The following LMBRD2 variants were observed in gnomAD, a reference collection of about 807,000 sequenced individuals.
LMBRD2 encodes G protein-coupled receptor-associated protein LMBRD2.
A neutral mutation model predicts 94.4 loss-of-function variants in LMBRD2; 55 were observed. The observed-to-expected ratio is 0.58, with a 90% CI of 0.47 to 0.73. The LOEUF is 0.73. Among genes scored for constraint, LMBRD2 ranks in the 30% least tolerant of loss-of-function variants. The pLI is 0.00. For synonymous variants in LMBRD2, 246 were observed against 272.4 expected (o/e 0.90, Z 0.95); for missense variants, 640 against 831.9 (o/e 0.77, Z 2.84).
chr5:36,148,257 A>C (rs1744600312), intron 1 of LMBRD2, among the ~76,000 whole-genome samples: 2 of 152,018 alleles, frequency 1.3e-5, no homozygotes, highest in Non-Finnish European at 2.9e-5. Flanking sequence ...AAAAAAAAAA[A>C]AAAACCATCA....
chr5:36,140,740 G>A (rs535440239), intron 4 of LMBRD2, among the ~76,000 whole-genome samples: 1 of 152,034 alleles, frequency 6.6e-6, no homozygotes, highest in South Asian at 2.1e-4. Flanking sequence ...TGAAGTGAAT[G>A]GAAATATTTC....
chr5:36,107,365 TTA>T (rs148675664), intron 16 of LMBRD2, among the ~76,000 whole-genome samples: 4,945 of 152,306 alleles, frequency 0.032, 275 homozygotes, highest in African/African-American at 0.11. Context: ...GTTCACTATT[TTA>T]TGTTTTGAAA....
chr5:36,123,027 T>A, intron 7 of LMBRD2, 66 bp from the exon 8 acceptor site: 1 of 1,352,222 alleles, frequency 7.4e-7, no homozygotes. Flanking sequence ...TTATTTTTAT[T>A]AAAAATCTTT....
At chr5:36,127,498 A>C (rs1744034080) in intron 6 of LMBRD2, among the ~76,000 whole-genome samples, 1 of 152,236 alleles carries the variant, frequency 6.6e-6, no homozygotes, top group South Asian at 2.1e-4. Flanking sequence ...GCTCTTAGAC[A>C]GCATTGTTGA....
chr5:36,128,040 A>G (rs970421520), intron 6 of LMBRD2, among the ~76,000 whole-genome samples: 4 of 152,114 alleles, frequency 2.6e-5, no homozygotes, highest in Non-Finnish European at 5.9e-5. Context: ...CCCCACCTCC[A>G]GGCAGCTCAG....
At position 36,105,048 on chromosome 5, in the gene LMBRD2, A is replaced by G. The variant is rs748889645; in HGVS notation, c.2027+20T>C. On this transcript the variant is annotated intron_variant, in intron 17 of 17. Coordinates refer to ENST00000296603, the MANE Select transcript of LMBRD2 (RefSeq NM_001007527.2). The stretch of plus-strand genomic sequence containing the variant: ...AGTGTAGAGGAATGCTAGAGCTAAA[A>G]TGTCACAGCCAGAACTTACCTTCCT... 2 of 1,609,658 alleles carry G rather than the reference A, an allele frequency of 1.2e-6. No homozygotes were observed. Among genetic ancestry groups the G allele is most frequent in the Non-Finnish European group, 8.5e-7 (1 of 1,177,490 alleles).
Position 36,103,065 on chromosome 5 carries a change from G to A in LMBRD2, c.*981C>T, listed in dbSNP as rs1019013930. ...TATTACACATTTCCATTCTAATATA[G>A]TTTTGTTTTCTATAAACCACGATTT... On this transcript the variant is annotated 3_prime_UTR_variant, in exon 18 of 18. Coordinates refer to ENST00000296603, the MANE Select transcript of LMBRD2 (RefSeq NM_001007527.2). 6.6e-6 allele frequency: 1 copy of A among 152,038 alleles called. No individual in the cohort carries two copies. Among genetic ancestry groups the A allele is most frequent in the African/African-American group, 2.4e-5 (1 of 41,394 alleles). 9.4% of individuals were successfully genotyped at this position (152,038 alleles called of 1,614,324 possible). A position where few individuals can be genotyped will look rare whatever the true frequency, so the allele number is the denominator to read the frequency against.
In LMBRD2 at chr5:36,137,366, T is replaced by C; in HGVS notation, c.444A>G (p.Leu148=). 6.2e-7 allele frequency: 1 copy of C among 1,607,136 alleles called. No homozygotes were observed. Residue 148 remains leucine (L), a synonymous_variant, in exon 5 of 18, where the codon CTA becomes CTG. Transcript: ENST00000296603. ...FSITGKIKTA[L]IENAIYYGTY... Reference sequence around the variant, plus strand: ...TGCCATAGTAGATTGCATTCTCAATTAGTGCAGTTTTGATCTTTCCAGTGA... The same window carrying C: ...TGCCATAGTAGATTGCATTCTCAATCAGTGCAGTTTTGATCTTTCCAGTGA...
chr5:36,143,524 T>C (rs1744467090), intron 1 of LMBRD2, 118 bp from the exon 2 acceptor site: 3 of 448,656 alleles, frequency 6.7e-6, no homozygotes, highest in African/African-American at 2.0e-5. Flanking sequence ...AGAAATGTCA[T>C]GCTTCACATT....
In LMBRD2 at chr5:36,124,051, A is replaced by G. The variant is rs1377655801; in HGVS notation, c.822+140T>C. The stretch of plus-strand genomic sequence containing the variant: ...GTAATTAAAAAAATTCAAAGTACAA[A>G]TGGTGTTGGGTTGATATTTCTATGA... On this transcript the variant is annotated intron_variant, in intron 7 of 17. Transcript: ENST00000296603. 1.1e-5 allele frequency: 5 copies of G among 476,174 alleles called. No individual in the cohort carries two copies. The East Asian group carries it at 1.7e-4, about 16-fold the overall frequency. The allele number at this position is 476,174 out of a possible 1,614,324, so 29.5% of individuals were successfully genotyped here.
intron 5 of LMBRD2, among the ~76,000 whole-genome samples, 182 bp from the exon 6 acceptor site, chr5:36,136,701 C>G (rs898638689): frequency 1.3e-5 from 2 of 152,068 alleles, no homozygotes; most frequent in Non-Finnish European, 2.9e-5. Context: ...TAGGTGATTT[C>G]TTATTCTATA....
chr5:36,115,778 G>A (rs1202682690), intron 11 of LMBRD2, among the ~76,000 whole-genome samples: 1 of 152,064 alleles, frequency 6.6e-6, no homozygotes. Context: ...AAAGTCTGTA[G>A]TTTGTAGTTA....
chr5:36,144,562 T>C (rs979846305), intron 1 of LMBRD2, among the ~76,000 whole-genome samples: 1 of 152,140 alleles, frequency 6.6e-6, no homozygotes, highest in African/African-American at 2.4e-5. Flanking sequence ...CGGGTGCCTG[T>C]AATCACAGCT....
chr5:36,121,419 T>C (rs1010444730), intron 9 of LMBRD2, among the ~76,000 whole-genome samples: 7 of 152,104 alleles, frequency 4.6e-5, no homozygotes, highest in Non-Finnish European at 7.4e-5. Context: ...ATAAATAAGG[T>C]AAATAGAAGT....
rs1743709062 is a variant in LMBRD2, at chr5:36,115,110, G to A, written c.1447C>T (p.Arg483Cys). 1 of 1,602,036 alleles carries A rather than the reference G, an allele frequency of 6.2e-7. No individual in the cohort carries two copies. The highest frequency in any genetic ancestry group is 8.5e-7 in the Non-Finnish European group (1 of 1,173,164). Residue 483 changes from arginine (R) to cysteine (C), a missense_variant, in exon 12 of 18, where the codon CGT (arginine) becomes TGT (cysteine). This residue lies in a region of LMBRD2 where 457 missense variants were observed against 642.8 expected (regional missense o/e 0.71). Coordinates refer to ENST00000296603, the MANE Select transcript of LMBRD2 (RefSeq NM_001007527.2). ...TTAAGACATAAAGGAGGTGTCAAAC[G>A]GCAAAATAGCCTGCAACAAACATTT... is the stretch of plus-strand genomic sequence containing the variant. ...SLLFSGMLFC[R>C]LTPPLCLNFL...
At chr5:36,104,841 T>C (rs1024957894) in intron 17 of LMBRD2, among the ~76,000 whole-genome samples, 1 of 152,202 alleles carries the variant, frequency 6.6e-6, no homozygotes, top group Admixed American at 6.5e-5. Context: ...TGTATGAAGA[T>C]AACAATTTTA....
chr5:36,120,182 C>G (rs1340482766), intron 9 of LMBRD2, among the ~76,000 whole-genome samples: 1 of 151,938 alleles, frequency 6.6e-6, no homozygotes, highest in Non-Finnish European at 1.5e-5. Flanking sequence ...CCTCAGTCTC[C>G]CAAGTAGCTG....
At position 36,122,828 on chromosome 5, in the gene LMBRD2, CT is replaced by C. The variant is rs1483842720; in HGVS notation, c.936+19del. 11 of 1,584,092 alleles carry C rather than the reference CT, an allele frequency of 6.9e-6. No homozygotes were observed. The highest frequency in any genetic ancestry group is 8.5e-6 in the Non-Finnish European group (10 of 1,169,716). ...ATTAAAATCATCATTAAGTAAAATA[CT>C]TATAATTAACAAAGTTACCTGTTTA... On this transcript the variant is annotated intron_variant, in intron 8 of 17. Transcript: ENST00000296603.
rs751337379 is a variant in LMBRD2 at position 36,122,438 on chromosome 5, C to T, written c.962G>A (p.Arg321His). ...KQVIYSVQRH[R>H]RTQVQWQILL... ...AATCTGCCATTGTACTTGAGTTCGA[C>T]GGTGTCTCTGAACTGAATAAATCAC... is the stretch of plus-strand genomic sequence containing the variant. The change falls in exon 9 of 18, where the codon CGT becomes CAT. Residue 321 changes from arginine to histidine, a missense_variant. Physicochemically the swap from Arg to His is conservative, Grantham distance 29 (BLOSUM62 0). Coordinates refer to ENST00000296603, the MANE Select transcript of LMBRD2 (RefSeq NM_001007527.2). 3.7e-6 allele frequency: 6 copies of T among 1,613,304 alleles called. No homozygotes were observed. Among genetic ancestry groups the T allele is most frequent in the East Asian group, 4.5e-5 (2 of 44,836 alleles).
Sources: gnomAD v4.1 joint callset for allele counts (sites outside exome capture counted in the v4.1 genomes callset) on GRCh38, gnomAD v4.1.1 for gene constraint, gnomAD v4.1.1 regional missense constraint, MANE v1.5 for transcripts, NCBI Gene and HGNC (gene_info 2026-07-23, HGNC 2026-07-21) for gene names.